Variants in ZNF157 observed in about 807,000 individuals in gnomAD.
ZNF157 encodes the protein zinc finger protein 22.
Under a neutral mutation model 9.4 loss-of-function variants are expected in ZNF157, and 8 were observed. The observed-to-expected ratio is 0.85, with a 90% CI of 0.50 to 1.53. The LOEUF (loss-of-function observed/expected upper bound fraction) is 1.53, where lower values mean the gene tolerates loss of function less well. Among genes scored for constraint, ZNF157 ranks in the 40% most tolerant of loss-of-function variants. The pLI is 0.00. For synonymous variants in ZNF157, 120 were observed against 130.8 expected, an observed-to-expected ratio of 0.92 and a Z score of 0.56; for missense variants, 316 against 385.2, an observed-to-expected ratio of 0.82 and a Z score of 1.50.
chrX:47,412,167 C>T (rs1459945749), intron 3 of ZNF157, among the ~76,000 whole-genome samples: 1 of 111,750 alleles, frequency 8.9e-6, no homozygotes, highest in Non-Finnish European at 1.9e-5. Flanking sequence ...CCATGTTGGG[C>T]AGGCTGATCT....
intron 1 of ZNF157, among the ~76,000 whole-genome samples, chrX:47,393,683 A>G (rs1339871872): frequency 1.9e-5 from 2 of 107,668 alleles, no homozygotes; most frequent in Non-Finnish European, 3.8e-5. Context: ...CTCCTGTCTC[A>G]GCCTCCCAAA....
intron 1 of ZNF157, among the ~76,000 whole-genome samples, chrX:47,382,282 CT>C (rs764704009): frequency 1.4e-3 from 75 of 53,358 alleles, no homozygotes; most frequent in Non-Finnish European, 1.8e-3. Context: ...TTCAACAGAA[CT>C]TTTTTTTTTT....
intron 2 of ZNF157, 46 bp from the exon 3 acceptor site, chrX:47,410,634 A>G: frequency 8.9e-7 from 1 of 1,122,440 alleles, no homozygotes; most frequent in South Asian, 1.9e-5. Flanking sequence ...GAGGCCCTAG[A>G]GCTCAGACAA....
chrX:47,402,303 G>A (rs145672293), intron 1 of ZNF157, among the ~76,000 whole-genome samples: 2,785 of 110,804 alleles, frequency 0.025, 79 homozygotes, highest in African/African-American at 0.086. Context: ...TTATGTGCAC[G>A]TGAGAAAAAG....
At chrX:47,405,389 TG>T (rs1022185387) in intron 1 of ZNF157, among the ~76,000 whole-genome samples, 1 of 107,709 alleles carries the variant, frequency 9.3e-6, no homozygotes, top group African/African-American at 3.4e-5. Flanking sequence ...AACTCTGTCT[TG>T]AAAAAAAAAA....
At chrX:47,371,139 A>T (rs1410186763) in intron 1 of ZNF157, among the ~76,000 whole-genome samples, 2 of 111,198 alleles carry the variant, frequency 1.8e-5, no homozygotes, top group Non-Finnish European at 3.8e-5. Flanking sequence ...GGAGTTTGAG[A>T]CCAGCCTGGC....
At chrX:47,377,524 G>C (rs1478085272) in intron 1 of ZNF157, among the ~76,000 whole-genome samples, 3 of 109,652 alleles carry the variant, frequency 2.7e-5, no homozygotes, top group Non-Finnish European at 5.7e-5. Flanking sequence ...AACCTCCCCA[G>C]GTTCAGGTGA....
At chrX:47,396,571 C>T (rs902115727) in intron 1 of ZNF157, among the ~76,000 whole-genome samples, 2 of 111,023 alleles carry the variant, frequency 1.8e-5, no homozygotes, top group African/African-American at 6.5e-5. Flanking sequence ...TATATATAGT[C>T]GTAATTTATG....
chrX:47,401,228 A>G (rs1188588394), intron 1 of ZNF157, among the ~76,000 whole-genome samples: 1 of 112,134 alleles, frequency 8.9e-6, no homozygotes, highest in Non-Finnish European at 1.9e-5. Flanking sequence ...CAAAAAAATC[A>G]CCATACCACC....
At position 47,370,589 on chromosome X, in the gene ZNF157, AC is replaced by A; in HGVS notation, c.-76del. ...TGTCTCTGTGGAGCCATTGAGCCTT[AC>A]CCCTTACTGGAGGCTGCAGGACCCT... On this transcript the variant is annotated 5_prime_UTR_variant, in exon 1 of 4. Transcript: ENST00000377073. The A allele has an allele frequency of 1.1e-6, 1 of 874,238 alleles. No individual in the cohort carries two copies. Among genetic ancestry groups the A allele is most frequent in the Non-Finnish European group, 1.6e-6 (1 of 628,515 alleles). 72.0% of individuals were successfully genotyped at this position (874,238 alleles called of 1,213,427 possible).
intron 1 of ZNF157, chrX:47,388,751 C>A (rs2055887835): frequency 6.4e-6 from 1 of 156,874 alleles, no homozygotes; most frequent in Non-Finnish European, 1.3e-5. Context: ...AACTTGTGAC[C>A]TCTCTATGAA....
chrX:47,402,624 C>T (rs1456745469), intron 1 of ZNF157, among the ~76,000 whole-genome samples: 2 of 106,554 alleles, frequency 1.9e-5, no homozygotes, highest in Non-Finnish European at 3.9e-5. Flanking sequence ...ACTGCAAGCT[C>T]CGCCTCCCGG....
chrX:47,403,598 G>C (rs893268560), intron 1 of ZNF157, among the ~76,000 whole-genome samples: 1 of 110,904 alleles, frequency 9.0e-6, no homozygotes, highest in Non-Finnish European at 1.9e-5. Flanking sequence ...GCCTCCCAAA[G>C]TGCTGGGATA....
At chrX:47,403,093 T>C in intron 1 of ZNF157, among the ~76,000 whole-genome samples, 1 of 96,028 alleles carries the variant, frequency 1.0e-5, no homozygotes, top group Non-Finnish European at 2.1e-5. Context: ...AAACCCTGTC[T>C]CTACTGAAAA....
At chrX:47,389,013 G>A (rs1398899095) in intron 1 of ZNF157, among the ~76,000 whole-genome samples, 1 of 109,126 alleles carries the variant, frequency 9.2e-6, no homozygotes, top group Non-Finnish European at 1.9e-5. Context: ...GTTTTACCAT[G>A]TTGGCTGGGC....
chrX:47,385,582 T>TGTGTGTG (rs1556817558), intron 1 of ZNF157, among the ~76,000 whole-genome samples: 2 of 104,412 alleles, frequency 1.9e-5, no homozygotes, highest in Non-Finnish European at 2.0e-5. Flanking sequence ...TGTGTGTGTG[T>TGTGTGTG]TTGAGACAGA....
chrX:47,376,844 G>A (rs1206848301), intron 1 of ZNF157, among the ~76,000 whole-genome samples: 2 of 111,371 alleles, frequency 1.8e-5, no homozygotes, highest in African/African-American at 6.5e-5. Context: ...ACTAACTTAG[G>A]GAGGAACTTA....
At chrX:47,375,383 G>A (rs2055841864) in intron 1 of ZNF157, among the ~76,000 whole-genome samples, 1 of 102,886 alleles carries the variant, frequency 9.7e-6, no homozygotes, top group Admixed American at 1.0e-4. Flanking sequence ...TCCATATGCT[G>A]TCACCTCCTC....
chrX:47,408,195 T>G (rs1385626027), intron 1 of ZNF157, among the ~76,000 whole-genome samples: 2 of 110,321 alleles, frequency 1.8e-5, no homozygotes, highest in Non-Finnish European at 3.8e-5. Flanking sequence ...CTCCGCCTCC[T>G]GGGTTCAAGT....
Sources: allele counts gnomAD v4.1 joint callset (sites outside exome capture counted in the v4.1 genomes callset), GRCh38; gene constraint gnomAD v4.1.1; transcripts MANE v1.5; gene names NCBI Gene and HGNC (gene_info 2026-07-23, HGNC 2026-07-21).